The following DLGAP1 variants were observed in gnomAD, a reference collection of about 807,000 sequenced individuals.
DLGAP1 encodes disks large-associated protein 1.
DLGAP1 carries 11 observed loss-of-function variants against 90.8 expected under a neutral mutation model. The observed-to-expected ratio is 0.12, with a 90% CI of 0.08 to 0.20. The LOEUF is 0.20. Ranked by LOEUF, DLGAP1 falls within the 10% of genes least tolerant of loss-of-function variation. The pLI, the probability that DLGAP1 is intolerant of heterozygous loss-of-function variation, is 1.00. For missense variants in DLGAP1, 1,050 were observed against 1,333.8 expected (o/e 0.79, Z 3.31); for synonymous variants, 558 against 540.7 (o/e 1.03, Z -0.44).
At chr18:3,998,229 T>A (rs1374781201) in intron 3 of DLGAP1, among the ~76,000 whole-genome samples, 1 of 152,250 alleles carries the variant, frequency 6.6e-6, no homozygotes, top group Non-Finnish European at 1.5e-5. Flanking sequence ...CTTGGAATAA[T>A]ATGTATAGGG....
intron 3 of DLGAP1, chr18:3,984,219 G>A (rs754466620): frequency 2.0e-5 from 3 of 152,192 alleles, no homozygotes; most frequent in Non-Finnish European, 4.4e-5. Flanking sequence ...ATCAATTTCT[G>A]TTGTTTCAGC....
chr18:3,670,754 T>C (rs2060059561), intron 7 of DLGAP1, among the ~76,000 whole-genome samples: 1 of 152,226 alleles, frequency 6.6e-6, no homozygotes, highest in East Asian at 1.9e-4. Flanking sequence ...CCTGCTTGTA[T>C]TAACCATATC....
chr18:3,624,584 A>C (rs1291485237), intron 7 of DLGAP1, among the ~76,000 whole-genome samples: 2 of 152,152 alleles, frequency 1.3e-5, no homozygotes, highest in Non-Finnish European at 2.9e-5. Flanking sequence ...ACTTATCACC[A>C]AAATCCCACA....
chr18:4,274,344 C>A (rs2079360231), intron 1 of DLGAP1, among the ~76,000 whole-genome samples: 1 of 152,032 alleles, frequency 6.6e-6, no homozygotes, highest in South Asian at 2.1e-4. Context: ...CTATTGATTT[C>A]TAATTTCATT....
At chr18:4,040,471 A>G (rs998358953) in intron 2 of DLGAP1, among the ~76,000 whole-genome samples, 3 of 152,232 alleles carry the variant, frequency 2.0e-5, no homozygotes, top group African/African-American at 7.2e-5. Flanking sequence ...TAACAGGTCT[A>G]GGATGCAGAG....
intron 4 of DLGAP1, among the ~76,000 whole-genome samples, chr18:3,869,491 G>A (rs577649393): frequency 6.6e-6 from 1 of 152,336 alleles, no homozygotes; most frequent in East Asian, 1.9e-4. Flanking sequence ...AGGAGGTCAA[G>A]GCTACAGTAA....
intron 5 of DLGAP1, among the ~76,000 whole-genome samples, chr18:3,793,217 A>G (rs2065826056): frequency 6.6e-6 from 1 of 151,982 alleles, no homozygotes; most frequent in Non-Finnish European, 1.5e-5. Flanking sequence ...TCCAATGGCC[A>G]GCTCTGTTTT....
At chr18:3,785,296 C>A (rs991305063) in intron 5 of DLGAP1, among the ~76,000 whole-genome samples, 1 of 152,160 alleles carries the variant, frequency 6.6e-6, no homozygotes, top group African/African-American at 2.4e-5. Context: ...GAGTTGCTTA[C>A]GGATGCTGGA....
At chr18:4,307,219 T>C (rs1024286211) in intron 1 of DLGAP1, among the ~76,000 whole-genome samples, 2 of 152,136 alleles carry the variant, frequency 1.3e-5, no homozygotes, top group African/African-American at 2.4e-5. Context: ...CTTAATCCAA[T>C]AGAATTGAAA....
intron 3 of DLGAP1, chr18:3,986,026 G>T (rs542685460): frequency 3.5e-4 from 53 of 152,274 alleles, no homozygotes; most frequent in African/African-American, 1.2e-3. Context: ...TGCTTTGCTT[G>T]TTCTTATAAC....
At chr18:4,176,213 T>C (rs1057175363) in intron 1 of DLGAP1, among the ~76,000 whole-genome samples, 6 of 152,194 alleles carry the variant, frequency 3.9e-5, no homozygotes, top group African/African-American at 7.2e-5. Context: ...AGTCCCTTCA[T>C]ATAGGTCAGA....
chr18:3,585,969 C>G (rs1029513626), intron 7 of DLGAP1, among the ~76,000 whole-genome samples: 1 of 152,164 alleles, frequency 6.6e-6, no homozygotes, highest in Non-Finnish European at 1.5e-5. Context: ...GCCTCCAGTG[C>G]GGCTCCTACA....
rs544199929 is a variant in DLGAP1 at position 3,982,753 on chromosome 18, T to G, written c.-73+22363A>C. Among the ~76,000 whole-genome samples the G allele has an allele frequency of 3.9e-5, 6 of 152,318 alleles. No homozygotes were observed. In the South Asian group the frequency reaches 1.2e-3, roughly 32 times the overall value. ...AGCCCATTTTGTACTGGTTGGTATA[T>G]TCTACAACATTCTAGCACCGTGAGT... On this transcript the variant is annotated intron_variant, in intron 3 of 12. Coordinates refer to ENST00000315677, the MANE Select transcript of DLGAP1 (RefSeq NM_004746.4).
intron 1 of DLGAP1, among the ~76,000 whole-genome samples, chr18:4,206,885 T>C (rs986919578): frequency 5.9e-5 from 9 of 152,152 alleles, no homozygotes; most frequent in African/African-American, 1.7e-4. Flanking sequence ...GAGGAAGACA[T>C]GAAGCTGAGA....
At chr18:4,079,376 C>A (rs1180154252) in intron 2 of DLGAP1, among the ~76,000 whole-genome samples, 2 of 150,978 alleles carry the variant, frequency 1.3e-5, no homozygotes, top group African/African-American at 4.9e-5. Flanking sequence ...AAAATAATAT[C>A]TTTTTCAGCA....
chr18:4,155,802 G>A (rs947794689), intron 1 of DLGAP1, among the ~76,000 whole-genome samples: 2 of 152,112 alleles, frequency 1.3e-5, no homozygotes, highest in Admixed American at 6.6e-5. Flanking sequence ...AGAGTGAAAA[G>A]GGGGCCATGG....
chr18:3,596,300 C>T (rs962033455), intron 7 of DLGAP1, among the ~76,000 whole-genome samples: 6 of 152,044 alleles, frequency 3.9e-5, no homozygotes, highest in Non-Finnish European at 5.9e-5. Flanking sequence ...GCTGGAATTA[C>T]AGCCGCCCGC....
Position 4,043,111 on chromosome 18 carries a change from T to C in DLGAP1, c.-158-37910A>G, listed in dbSNP as rs187505961. Among the ~76,000 whole-genome samples, 23 of 152,314 alleles carry C rather than the reference T, an allele frequency of 1.5e-4. No homozygotes were observed. The East Asian group carries it at 3.9e-3, about 26-fold the overall frequency. ...CTTTTTTTAGAAGCAGAGGGAAGAG[T>C]AGACCTTCTCATATGATTTTCATTA... is the stretch of plus-strand genomic sequence containing the variant. On this transcript the variant is annotated intron_variant, in intron 2 of 12. Coordinates refer to ENST00000315677, the MANE Select transcript of DLGAP1 (RefSeq NM_004746.4).
chr18:4,030,704 T>C (rs2074782418), intron 2 of DLGAP1, among the ~76,000 whole-genome samples: 1 of 152,188 alleles, frequency 6.6e-6, no homozygotes, highest in African/African-American at 2.4e-5. Flanking sequence ...GCAGACTGCT[T>C]GAGCCCAGGA....
Sources: allele counts gnomAD v4.1 joint callset (sites outside exome capture counted in the v4.1 genomes callset), GRCh38; gene constraint gnomAD v4.1.1; transcripts MANE v1.5; gene names NCBI Gene and HGNC (gene_info 2026-07-23, HGNC 2026-07-21).